KLHL1: variants seen among roughly 807,000 people sequenced by gnomAD.
The protein encoded by KLHL1 is kelch like family member 1, also known as kelch-like protein 1.
Under a neutral mutation model 77.7 loss-of-function variants are expected in KLHL1, and 47 were observed. The ratio of observed to expected loss-of-function variants is 0.60; its 90% CI spans 0.48 to 0.77. The LOEUF is 0.77. Among genes scored for constraint, KLHL1 ranks in the 30% least tolerant of loss-of-function variants. The pLI is 0.00. For missense variants in KLHL1, 925 were observed against 910.8 expected, an observed-to-expected ratio of 1.02 and a Z score of -0.20; for synonymous variants, 360 against 325.2, an observed-to-expected ratio of 1.11 and a Z score of -1.15.
At position 69,764,274 on chromosome 13, in the gene KLHL1, T is replaced by C. The variant is rs533241262; in HGVS notation, c.1640-23718A>G. On this transcript the variant is annotated intron_variant, in intron 7 of 10. Coordinates refer to ENST00000377844, the MANE Select transcript of KLHL1 (RefSeq NM_020866.3). ...AATGTCCAGCTGTCACCAATCAAGT[T>C]GTTTCCATACACTGTTTTCTGTACA... Among the ~76,000 whole-genome samples, 15 of 152,314 alleles carry C rather than the reference T, an allele frequency of 9.8e-5. No homozygotes were observed. The South Asian group carries it at 2.5e-3, about 25-fold the overall frequency.
At chr13:70,023,626 C>T (rs918517455) in intron 1 of KLHL1, among the ~76,000 whole-genome samples, 15 of 151,866 alleles carry the variant, frequency 9.9e-5, no homozygotes, top group Middle Eastern at 6.3e-3. Flanking sequence ...AGCCTGAAGC[C>T]TCATTTACAT....
chr13:70,046,282 T>C (rs1886493575), intron 1 of KLHL1, among the ~76,000 whole-genome samples: 1 of 152,096 alleles, frequency 6.6e-6, no homozygotes. Flanking sequence ...CAGTGGCCAA[T>C]TTTGGGATGG....
intron 7 of KLHL1, among the ~76,000 whole-genome samples, chr13:69,779,694 A>G (rs1391995118): frequency 6.6e-6 from 1 of 152,074 alleles, no homozygotes; most frequent in Non-Finnish European, 1.5e-5. Context: ...GAAATGTAAC[A>G]TTATTATGAT....
In KLHL1 at chr13:69,976,089, C is replaced by A. The variant is rs2225527; in HGVS notation, c.498-287G>T. On this transcript the variant is annotated intron_variant, in intron 1 of 10. Coordinates refer to ENST00000377844, the MANE Select transcript of KLHL1 (RefSeq NM_020866.3). The stretch of plus-strand genomic sequence containing the variant: ...GACCTTAAGTTAGTAAACCTGAAAT[C>A]TCACAGAAATAGTAAATTATTTACA... 0.61 allele frequency among the ~76,000 whole-genome samples: 92,523 copies of A among 151,228 alleles called. 28,407 individuals carry two copies. Among genetic ancestry groups the A allele is most frequent in the South Asian group, 0.64 (3,104 of 4,816 alleles).
At chr13:70,060,239 G>T (rs958117747) in intron 1 of KLHL1, among the ~76,000 whole-genome samples, 2 of 152,120 alleles carry the variant, frequency 1.3e-5, no homozygotes, top group African/African-American at 2.4e-5. Flanking sequence ...AGTTAAAATG[G>T]TTTTTATCCA....
chr13:70,079,493 A>G (rs78983457), intron 1 of KLHL1, among the ~76,000 whole-genome samples: 2,719 of 152,228 alleles, frequency 0.018, 82 homozygotes, highest in African/African-American at 0.06. Flanking sequence ...AAAATTACTT[A>G]TTTTGATAAT....
chr13:69,874,146 T>A (rs981855323), intron 5 of KLHL1, among the ~76,000 whole-genome samples: 1 of 152,054 alleles, frequency 6.6e-6, no homozygotes, highest in African/African-American at 2.4e-5. Flanking sequence ...AAATAATTTT[T>A]AAAAATTATC....
intron 5 of KLHL1, among the ~76,000 whole-genome samples, chr13:69,862,430 C>G (rs1185384576): frequency 6.6e-6 from 1 of 152,048 alleles, no homozygotes; most frequent in Non-Finnish European, 1.5e-5. Flanking sequence ...ACTTTAATTC[C>G]TACCCTTAAG....
chr13:70,016,483 C>T (rs1362056354), intron 1 of KLHL1, among the ~76,000 whole-genome samples: 2 of 152,232 alleles, frequency 1.3e-5, no homozygotes, highest in Non-Finnish European at 2.9e-5. Flanking sequence ...CTCCTGGTGC[C>T]AACTATGATT....
chr13:69,724,714 T>A (rs1421640274), intron 8 of KLHL1, among the ~76,000 whole-genome samples: 1 of 152,048 alleles, frequency 6.6e-6, no homozygotes, highest in Non-Finnish European at 1.5e-5. Context: ...AAGCCATACA[T>A]ACACCACATG....
chr13:69,788,038 T>C (rs1398591022), intron 7 of KLHL1, among the ~76,000 whole-genome samples: 3 of 152,290 alleles, frequency 2.0e-5, no homozygotes, highest in East Asian at 1.9e-4. Flanking sequence ...TGTGGAGAAA[T>C]AGGAACACTT....
chr13:69,978,554 T>G (rs1476330717), intron 1 of KLHL1, among the ~76,000 whole-genome samples: 1 of 151,658 alleles, frequency 6.6e-6, no homozygotes, highest in African/African-American at 2.4e-5. Context: ...TTGCACGATC[T>G]TGGCTCACTG....
chr13:69,902,326 G>T (rs1024347703), intron 4 of KLHL1, among the ~76,000 whole-genome samples: 20 of 152,076 alleles, frequency 1.3e-4, no homozygotes, highest in Admixed American at 1.2e-3. Context: ...AGAAGGCAAC[G>T]ACAGGAACAT....
At chr13:70,107,137 G>A in intron 1 of KLHL1, 66 bp downstream of exon 1, 1 of 1,523,092 alleles carries the variant, frequency 6.6e-7, no homozygotes, top group Non-Finnish European at 8.8e-7. Context: ...GTAGCCACAT[G>A]AGCACACGCG....
intron 4 of KLHL1, among the ~76,000 whole-genome samples, chr13:69,898,595 C>T (rs965170158): frequency 1.3e-5 from 2 of 152,108 alleles, no homozygotes; most frequent in African/African-American, 4.8e-5. Flanking sequence ...GTTATGGCCC[C>T]ACTATTGAAT....
intron 9 of KLHL1, among the ~76,000 whole-genome samples, chr13:69,714,103 A>G (rs1876001014): frequency 6.6e-6 from 1 of 152,190 alleles, no homozygotes; most frequent in Non-Finnish European, 1.5e-5. Context: ...GCATAGAATG[A>G]TCCAGAAAGG....
At chr13:69,932,056 A>G (rs895294596) in intron 4 of KLHL1, among the ~76,000 whole-genome samples, 6 of 151,768 alleles carry the variant, frequency 4.0e-5, no homozygotes, top group Admixed American at 6.6e-5. Flanking sequence ...ATTTCAAATT[A>G]TTAATATGCG....
At chr13:69,858,764 G>A (rs17085541) in intron 5 of KLHL1, among the ~76,000 whole-genome samples, 48,383 of 151,866 alleles carry the variant, frequency 0.32, 8,223 homozygotes, top group African/African-American at 0.45. Flanking sequence ...CTTTCAGCAG[G>A]AGGTCTTGCA....
At chr13:70,097,674 T>C (rs1887826065) in intron 1 of KLHL1, among the ~76,000 whole-genome samples, 1 of 151,890 alleles carries the variant, frequency 6.6e-6, no homozygotes, top group Admixed American at 6.6e-5. Flanking sequence ...AAGCTTTTCT[T>C]TAAGTCTCAC....
Sources: allele counts gnomAD v4.1 joint callset (sites outside exome capture counted in the v4.1 genomes callset), GRCh38; gene constraint gnomAD v4.1.1; transcripts MANE v1.5; gene names NCBI Gene and HGNC (gene_info 2026-07-23, HGNC 2026-07-21).